Variants in INPP4B observed in about 807,000 individuals in gnomAD.
INPP4B encodes the protein inositol polyphosphate-4-phosphatase type II B.
A neutral mutation model predicts 122.5 loss-of-function variants in INPP4B; 55 were observed. The observed-to-expected ratio is 0.45, with a 90% CI of 0.36 to 0.56. The LOEUF (loss-of-function observed/expected upper bound fraction) is 0.56, where lower values mean the gene tolerates loss of function less well. INPP4B is among the 20% of genes least tolerant of loss of function. INPP4B has a pLI of 0.00. For synonymous variants in INPP4B, 403 were observed against 388.7 expected, an observed-to-expected ratio of 1.04 and a Z score of -0.43; for missense variants, 1,000 against 1,097.7, an observed-to-expected ratio of 0.91 and a Z score of 1.26.
At chr4:142,029,013 T>C in intron 25 of INPP4B, 99 bp from the exon 26 acceptor site, 1 of 1,465,628 alleles carries the variant, frequency 6.8e-7, no homozygotes, top group Non-Finnish European at 9.0e-7. Flanking sequence ...CAAGTAAAAA[T>C]AACAAAGATT....
intron 18 of INPP4B, among the ~76,000 whole-genome samples, chr4:142,125,698 T>C (rs574794370): frequency 1.3e-5 from 2 of 152,188 alleles, no homozygotes; most frequent in Non-Finnish European, 2.9e-5. Flanking sequence ...TCCATGAAGA[T>C]TGGGTTGAGC....
chr4:142,209,723 G>T (rs1370536360), intron 12 of INPP4B, among the ~76,000 whole-genome samples: 1 of 146,082 alleles, frequency 6.8e-6, no homozygotes, highest in Non-Finnish European at 1.5e-5. Flanking sequence ...AACTCAGGAG[G>T]TGGAAGTTGC....
chr4:142,795,426 C>T (rs1777100991), intron 1 of INPP4B: 1 of 151,898 alleles, frequency 6.6e-6, no homozygotes, highest in South Asian at 2.1e-4. Flanking sequence ...CATATTTTCA[C>T]TTTGTATACC....
In INPP4B at chr4:142,223,192, G is replaced by GCACA. The variant is rs147785040; in HGVS notation, c.837-14170_837-14167dup. ...AGGGCTGTTCCACACATATGTGCAT[G>GCACA]CACACACACACACACACACACACTC... On this transcript the variant is annotated intron_variant, in intron 12 of 25. Transcript: ENST00000262992. Among the ~76,000 whole-genome samples the GCACA allele has an allele frequency of 2.9e-4, 42 of 147,076 alleles. 1 individual carries two copies. In the East Asian group the frequency reaches 5.6e-3, roughly 19 times the overall value.
rs1398885928 is a variant in INPP4B at position 142,246,061 on chromosome 4, G to GTGTGTGTATACACACATTATATATA, written c.689-8051_689-8050insTATATATAATGTGTGTATACACACA. Among the ~76,000 whole-genome samples the GTGTGTGTATACACACATTATATATA allele has an allele frequency of 9.8e-4, 28 of 28,590 alleles. 1 individual carries two copies. Among genetic ancestry groups the GTGTGTGTATACACACATTATATATA allele is most frequent in the African/African-American group, 1.8e-3 (18 of 10,178 alleles). The allele number at this position is 28,590 out of a possible 152,430, so 18.8% of individuals were successfully genotyped here. ...GTGTGTATACACACATTATATATAT[G>GTGTGTGTATACACACATTATATATA]TGTGTGTGTATACACACATTATATA... On this transcript the variant is annotated intron_variant, in intron 11 of 25. Coordinates refer to ENST00000262992, the MANE Select transcript of INPP4B (RefSeq NM_001101669.3).
At chr4:142,080,430 A>G (rs1036155691) in intron 25 of INPP4B, among the ~76,000 whole-genome samples, 1 of 152,152 alleles carries the variant, frequency 6.6e-6, no homozygotes, top group Non-Finnish European at 1.5e-5. Context: ...AGACAAAACC[A>G]AAAGAAGAAG....
intron 7 of INPP4B, 37 bp downstream of exon 7, chr4:142,402,901 C>T (rs1263657392): frequency 9.3e-7 from 1 of 1,077,016 alleles, no homozygotes; most frequent in Non-Finnish European, 1.4e-6. Flanking sequence ...AAAAGCATAA[C>T]TTTTTCCCAA....
At chr4:142,072,455 T>TA (rs2152490668) in intron 25 of INPP4B, among the ~76,000 whole-genome samples, 1 of 150,804 alleles carries the variant, frequency 6.6e-6, no homozygotes, top group South Asian at 2.1e-4. Flanking sequence ...TGTGCACATG[T>TA]ACCCCAGAAC....
chr4:142,461,070 G>A (rs1816638955), intron 3 of INPP4B, among the ~76,000 whole-genome samples: 1 of 152,152 alleles, frequency 6.6e-6, no homozygotes, highest in Non-Finnish European at 1.5e-5. Context: ...ACTGAGAGAG[G>A]TTGAGGTGGG....
Position 142,369,669 on chromosome 4 carries a change from G to A in INPP4B, c.372+33269C>T, listed in dbSNP as rs556229964. Among the ~76,000 whole-genome samples the A allele has an allele frequency of 2.0e-5, 3 of 151,828 alleles. No individual in the cohort carries two copies. In the East Asian group the frequency reaches 5.8e-4, roughly 29 times the overall value. On this transcript the variant is annotated intron_variant, in intron 7 of 25. Transcript: ENST00000262992. Reference sequence around the variant, plus strand: ...AGGCTGGGCTCAGTGGCTCATGCCTGTAATCCCAGCACTTTGGGAGGCCAA... The same window carrying A: ...AGGCTGGGCTCAGTGGCTCATGCCTATAATCCCAGCACTTTGGGAGGCCAA...
chr4:142,033,725 C>T (rs1178647608), intron 25 of INPP4B, among the ~76,000 whole-genome samples: 3 of 140,522 alleles, frequency 2.1e-5, no homozygotes, highest in African/African-American at 8.1e-5. Flanking sequence ...AGTACAGTGG[C>T]GTGATCATGG....
intron 5 of INPP4B, among the ~76,000 whole-genome samples, chr4:142,410,109 C>G (rs1804285651): frequency 6.6e-6 from 1 of 152,244 alleles, no homozygotes; most frequent in Admixed American, 6.5e-5. Context: ...AAAAATACCT[C>G]TTGATTCACA....
At chr4:142,513,004 A>T (rs1289563496) in intron 2 of INPP4B, among the ~76,000 whole-genome samples, 7 of 152,198 alleles carry the variant, frequency 4.6e-5, no homozygotes, top group African/African-American at 1.7e-4. Flanking sequence ...TAATTTTTTC[A>T]CATCATATAT....
At chr4:142,054,781 C>T (rs887075600) in intron 25 of INPP4B, among the ~76,000 whole-genome samples, 3 of 152,016 alleles carry the variant, frequency 2.0e-5, no homozygotes, top group Non-Finnish European at 4.4e-5. Flanking sequence ...TGTTGGGCAT[C>T]GAGTATTTGG....
At chr4:142,662,440 A>C (rs1417319861) in intron 2 of INPP4B, among the ~76,000 whole-genome samples, 2 of 152,166 alleles carry the variant, frequency 1.3e-5, no homozygotes, top group Non-Finnish European at 2.9e-5. Context: ...ATTGTCCACC[A>C]AAAATTTTCC....
At chr4:142,408,321 G>A (rs541988076) in intron 5 of INPP4B, among the ~76,000 whole-genome samples, 2 of 151,920 alleles carry the variant, frequency 1.3e-5, no homozygotes, top group African/African-American at 4.8e-5. Context: ...TTGAGAGGCC[G>A]AGGCCAGGAT....
At chr4:142,791,658 C>T (rs898506342) in intron 1 of INPP4B, among the ~76,000 whole-genome samples, 7 of 152,152 alleles carry the variant, frequency 4.6e-5, no homozygotes, top group Admixed American at 2.6e-4. Context: ...TATCTTCCTA[C>T]ATAAGAATTT....
intron 2 of INPP4B, among the ~76,000 whole-genome samples, chr4:142,693,996 C>T (rs1342317528): frequency 6.6e-6 from 1 of 151,962 alleles, no homozygotes; most frequent in East Asian, 1.9e-4. Flanking sequence ...TGTCTTACTA[C>T]TAAAATAAAT....
chr4:142,523,490 C>T (rs972815980), intron 2 of INPP4B, among the ~76,000 whole-genome samples: 3 of 152,080 alleles, frequency 2.0e-5, no homozygotes, highest in African/African-American at 7.2e-5. Flanking sequence ...GCTTCCCAAT[C>T]TCAGAATAAT....
Sources: gnomAD v4.1 joint callset for allele counts (sites outside exome capture counted in the v4.1 genomes callset) on GRCh38, gnomAD v4.1.1 for gene constraint, MANE v1.5 for transcripts, NCBI Gene and HGNC (gene_info 2026-07-23, HGNC 2026-07-21) for gene names.